SSH2: variants seen among roughly 807,000 people sequenced by gnomAD.
The protein encoded by SSH2 is slingshot protein phosphatase 2, also known as protein phosphatase Slingshot homolog 2.
Under a neutral mutation model 135.2 loss-of-function variants are expected in SSH2, and 37 were observed. The ratio of observed to expected loss-of-function variants is 0.27; its 90% CI spans 0.21 to 0.36. The LOEUF (loss-of-function observed/expected upper bound fraction) is 0.36. Among genes scored for constraint, SSH2 ranks in the 10% least tolerant of loss-of-function variants. The pLI is 1.00. For synonymous variants in SSH2, 628 were observed against 646.2 expected (o/e 0.97, Z 0.43); for missense variants, 1,408 against 1,765.3 (o/e 0.80, Z 3.63).
rs571425703 is a variant in SSH2 at position 29,871,262 on chromosome 17, G to C, written c.64-22333C>G. 3.9e-5 allele frequency among the ~76,000 whole-genome samples: 6 copies of C among 152,216 alleles called. No individual in the cohort carries two copies. In the South Asian group the frequency reaches 1.2e-3, roughly 32 times the overall value. The stretch of plus-strand genomic sequence containing the variant: ...AATGTTTGCAGATACAGAGCAGCTG[G>C]CAGTCTTGCCTGCATTTTGCCCATT... On this transcript the variant is annotated intron_variant, in intron 1 of 15. Coordinates refer to ENST00000540801, the MANE Select transcript of SSH2 (RefSeq NM_001282129.2).
chr17:29,661,061 C>CAAAAAAAAAAAAAAA (rs374216221), intron 11 of SSH2, among the ~76,000 whole-genome samples: 51 of 48,352 alleles, frequency 1.1e-3, no homozygotes, highest in African/African-American at 3.1e-3. Context: ...AATTCCATCT[C>CAAAAAAAAAAAAAAA]AAAAAAAAAA....
chr17:29,676,074 T>C (rs1364716164), intron 8 of SSH2: 3 of 152,244 alleles, frequency 2.0e-5, no homozygotes, highest in Non-Finnish European at 1.5e-5. Flanking sequence ...ATTTGCATTA[T>C]GCAAATAGCC....
intron 1 of SSH2, among the ~76,000 whole-genome samples, chr17:29,903,386 C>T (rs547673528): frequency 3.6e-4 from 54 of 150,316 alleles, no homozygotes; most frequent in Non-Finnish European, 6.8e-4. Flanking sequence ...TTGAGAAGTT[C>T]TATGATATAC....
At position 29,712,653 on chromosome 17, in the gene SSH2, A is replaced by T. The variant is rs539886285; in HGVS notation, c.189-9591T>A. ...ACCCCATCTCTACTAAAAATACAAA[A>T]ATTAGCCGGGCATGGTGGCATGTGC... On this transcript the variant is annotated intron_variant, in intron 3 of 15. Coordinates refer to ENST00000540801, the MANE Select transcript of SSH2 (RefSeq NM_001282129.2). Among the ~76,000 whole-genome samples, 7 of 152,236 alleles carry T rather than the reference A, an allele frequency of 4.6e-5. No homozygotes were observed. The South Asian group carries it at 1.4e-3, about 32-fold the overall frequency.
intron 1 of SSH2, among the ~76,000 whole-genome samples, chr17:29,905,737 G>C (rs1458227433): frequency 6.6e-6 from 1 of 152,166 alleles, no homozygotes; most frequent in Non-Finnish European, 1.5e-5. Flanking sequence ...GCTGGGGGCT[G>C]GGCTGCCAGT....
At chr17:29,752,386 A>C (rs2040973544) in intron 3 of SSH2, among the ~76,000 whole-genome samples, 1 of 152,196 alleles carries the variant, frequency 6.6e-6, no homozygotes, top group Non-Finnish European at 1.5e-5. Context: ...CATCTGTAAG[A>C]ATTTAATATA....
At chr17:29,886,421 G>C (rs1401449243) in intron 1 of SSH2, among the ~76,000 whole-genome samples, 2 of 151,956 alleles carry the variant, frequency 1.3e-5, no homozygotes, top group Non-Finnish European at 2.9e-5. Context: ...ATTTCTAAGT[G>C]GCAAAGTGTT....
Position 29,635,954 on chromosome 17 carries a change from AAG to A in SSH2, c.2262+12_2262+13del. 1 of 1,565,286 alleles carries A rather than the reference AAG, an allele frequency of 6.4e-7. No homozygotes were observed. The highest frequency in any genetic ancestry group is 8.8e-7 in the Non-Finnish European group (1 of 1,142,656). ...GAACTTCATTAGGCGGAAAACTATA[AAG>A]ACAGTTTTTACCTTTGACTGTTCCT... is the stretch of plus-strand genomic sequence containing the variant. On this transcript the variant is annotated intron_variant, in intron 15 of 15. Transcript: ENST00000540801.
chr17:29,807,360 TATTTAAATCTAGAC>T (rs1481989783), intron 2 of SSH2, among the ~76,000 whole-genome samples: 1 of 152,244 alleles, frequency 6.6e-6, no homozygotes, highest in African/African-American at 2.4e-5. Context: ...TTACTATTTA[TATTTAAATCTAGAC>T]AATTACCTTT....
rs2035643837 is a variant in SSH2 at position 29,631,077 on chromosome 17, A to G, written c.4117T>C (p.Tyr1373His). The G allele has an allele frequency of 6.2e-7, 1 of 1,614,068 alleles. No homozygotes were observed. ...SKPVERPLVQ[Y>H]AKEFGSSQQY... ...TGACTAGAACCAAATTCTTTGGCAT[A>G]CTGCACAAGGGGCCTCTCCACTGGC... is the stretch of plus-strand genomic sequence containing the variant. The change falls in exon 16 of 16, where the codon TAT becomes CAT. Residue 1373 changes from tyrosine to histidine, a missense_variant. By Grantham distance (83) the Tyr-to-His change is moderately conservative. Around this residue, in one of 3 missense-constraint regions of SSH2, gnomAD observed 1,080 missense variants for 1,144.5 expected, o/e 0.94. Coordinates refer to ENST00000540801, the MANE Select transcript of SSH2 (RefSeq NM_001282129.2).
chr17:29,761,329 G>A (rs2041293377), intron 3 of SSH2: 2 of 1,133,266 alleles, frequency 1.8e-6, no homozygotes, highest in African/African-American at 1.7e-5. Flanking sequence ...CTCTGCTCCG[G>A]CACGAGGCGC....
intron 3 of SSH2, among the ~76,000 whole-genome samples, chr17:29,780,899 G>A (rs1217833439): frequency 6.6e-6 from 1 of 151,734 alleles, no homozygotes. Flanking sequence ...TGCAAACTCC[G>A]CCTCCCGGTT....
intron 3 of SSH2, chr17:29,761,131 G>GGGCGCGC: frequency 7.8e-7 from 1 of 1,288,650 alleles, no homozygotes; most frequent in Non-Finnish European, 1.0e-6. Flanking sequence ...CGGAGGCGGA[G>GGGCGCGC]GGCGCGCGGC....
At chr17:29,641,955 T>TA (rs1478797900) in intron 14 of SSH2, among the ~76,000 whole-genome samples, 1 of 88,862 alleles carries the variant, frequency 1.1e-5, no homozygotes, top group East Asian at 3.5e-4. Context: ...TTTTTTTTTT[T>TA]AAAAAAAGAG....
At chr17:29,763,818 AGTGTCT>A (rs997439782) in intron 3 of SSH2, among the ~76,000 whole-genome samples, 6 of 152,234 alleles carry the variant, frequency 3.9e-5, no homozygotes, top group Non-Finnish European at 7.4e-5. Flanking sequence ...GACCTCTGTC[AGTGTCT>A]GTTCAGCTAA....
chr17:29,687,477 C>T (rs1198364290), intron 5 of SSH2, among the ~76,000 whole-genome samples: 4 of 152,054 alleles, frequency 2.6e-5, no homozygotes, highest in East Asian at 1.9e-4. Context: ...AGAAGCTAAG[C>T]GGAACTAACA....
At chr17:29,878,335 G>A (rs1156865255) in intron 1 of SSH2, among the ~76,000 whole-genome samples, 1 of 152,146 alleles carries the variant, frequency 6.6e-6, no homozygotes, top group Non-Finnish European at 1.5e-5. Flanking sequence ...GCTGAGGCAG[G>A]AGAATCGCTT....
At chr17:29,633,080 T>C (rs147456194) in intron 15 of SSH2, 149 bp from the exon 16 acceptor site, 27 of 694,830 alleles carry the variant, frequency 3.9e-5, no homozygotes, top group East Asian at 2.5e-4. Context: ...ACTCTGCCCA[T>C]CTGTTTTGTC....
intron 5 of SSH2, among the ~76,000 whole-genome samples, chr17:29,688,392 A>G: frequency 6.6e-6 from 1 of 152,218 alleles, no homozygotes; most frequent in East Asian, 1.9e-4. Context: ...CTGTAACAGA[A>G]GTTCCCAAAC....
Sources: allele counts gnomAD v4.1 joint callset (sites outside exome capture counted in the v4.1 genomes callset), GRCh38; gene constraint gnomAD v4.1.1; regional missense constraint gnomAD v4.1.1; transcripts MANE v1.5; gene names NCBI Gene and HGNC (gene_info 2026-07-23, HGNC 2026-07-21).